Variants in MYO6 observed in about 807,000 individuals in gnomAD.
MYO6 encodes the protein unconventional myosin-VI.
In MYO6, 74 loss-of-function variants were observed where a neutral mutation model predicts 178.7. The ratio of observed to expected loss-of-function variants is 0.41; its 90% CI spans 0.34 to 0.50. The LOEUF is 0.50. Ranked by LOEUF, MYO6 falls within the 20% of genes least tolerant of loss-of-function variation. The pLI, the probability that MYO6 is intolerant of heterozygous loss-of-function variation, is 0.09. For missense variants in MYO6, 1,330 were observed against 1,547.4 expected, an observed-to-expected ratio of 0.86 and a Z score of 2.36; for synonymous variants, 477 against 504.6, an observed-to-expected ratio of 0.95 and a Z score of 0.73.
At chr6:75,849,011 GTATT>G (rs1562244336) in intron 11 of MYO6, among the ~76,000 whole-genome samples, 2 of 152,136 alleles carry the variant, frequency 1.3e-5, no homozygotes, top group Admixed American at 6.6e-5. Flanking sequence ...ATTGAAAAGA[GTATT>G]TAAATACATG....
intron 1 of MYO6, among the ~76,000 whole-genome samples, chr6:75,779,467 A>C (rs1766740917): frequency 6.6e-6 from 1 of 151,872 alleles, no homozygotes; most frequent in Admixed American, 6.6e-5. Context: ...GTGCCACTGC[A>C]CTCCAGCCTG....
At position 75,906,598 on chromosome 6, in the gene MYO6, C is replaced by T. The variant is rs184823958; in HGVS notation, c.3177-1007C>T. On this transcript the variant is annotated intron_variant, in intron 30 of 34. Coordinates refer to ENST00000369977, the MANE Select transcript of MYO6 (RefSeq NM_004999.4). ...GGCTGAGGTGGGAGAATTGCTTGAG[C>T]CCGGGTGGTGGAGGTTGCAGTGAGC... 3.0e-3 allele frequency among the ~76,000 whole-genome samples: 455 copies of T among 152,190 alleles called. 4 individuals carry two copies. Among genetic ancestry groups the T allele is most frequent in the African/African-American group, 0.011 (440 of 41,528 alleles).
intron 1 of MYO6, among the ~76,000 whole-genome samples, chr6:75,774,481 T>A (rs1354549105): frequency 6.6e-6 from 1 of 152,222 alleles, no homozygotes; most frequent in African/African-American, 2.4e-5. Context: ...TTCCATTGGA[T>A]CTTTTTTGCT....
chr6:75,861,005 T>C lies in MYO6; in HGVS notation c.1474-18T>C. On this transcript the variant is annotated intron_variant, in intron 14 of 34. Transcript: ENST00000369977. ...CTCAGTATTGCTGTATCTATGATTATGATTATTTCATTTTTAGGAACAAGA... is the reference window on the plus strand; with the variant it reads ...CTCAGTATTGCTGTATCTATGATTACGATTATTTCATTTTTAGGAACAAGA... 1.3e-6 allele frequency: 2 copies of C among 1,524,430 alleles called. No homozygotes were observed. The highest frequency in any genetic ancestry group is 1.8e-6 in the Non-Finnish European group (2 of 1,099,000). 94.4% of individuals were successfully genotyped at this position (1,524,430 alleles called of 1,614,324 possible). A position where few individuals can be genotyped will look rare whatever the true frequency, so the allele number is the denominator to read the frequency against.
intron 23 of MYO6, among the ~76,000 whole-genome samples, chr6:75,884,240 C>T (rs1400771838): frequency 6.6e-6 from 1 of 152,122 alleles, no homozygotes; most frequent in Non-Finnish European, 1.5e-5. Context: ...TTGTGAGTAA[C>T]TGAAGTTAAG....
At chr6:75,787,726 CTCTCTATATATATA>C (rs1255357625) in intron 1 of MYO6, among the ~76,000 whole-genome samples, 18 of 20,452 alleles carry the variant, frequency 8.8e-4, no homozygotes, top group East Asian at 3.7e-3. Flanking sequence ...CTCTCTCTCT[CTCTCTATATATATA>C]TATATATATA....
At chr6:75,805,902 C>T (rs1056379664) in intron 1 of MYO6, among the ~76,000 whole-genome samples, 3 of 151,898 alleles carry the variant, frequency 2.0e-5, no homozygotes, top group Non-Finnish European at 2.9e-5. Context: ...TAAAAATTTC[C>T]CTTATAGTGA....
At chr6:75,900,970 G>A (rs1478467234) in intron 30 of MYO6, among the ~76,000 whole-genome samples, 1 of 150,674 alleles carries the variant, frequency 6.6e-6, no homozygotes, top group Non-Finnish European at 1.5e-5. Context: ...AGTTTTCCCA[G>A]CACCATTTAT....
chr6:75,795,703 A>C (rs1378083009), intron 1 of MYO6, among the ~76,000 whole-genome samples: 1 of 152,242 alleles, frequency 6.6e-6, no homozygotes, highest in Non-Finnish European at 1.5e-5. Context: ...AACTTTGCCA[A>C]CTGTTTGGAT....
At chr6:75,767,769 G>A (rs1778567628) in intron 1 of MYO6, among the ~76,000 whole-genome samples, 1 of 151,774 alleles carries the variant, frequency 6.6e-6, no homozygotes, top group African/African-American at 2.4e-5. Flanking sequence ...TGCTTGCCTT[G>A]GCCTCCCAAA....
intron 1 of MYO6, among the ~76,000 whole-genome samples, chr6:75,805,942 G>C (rs1472762564): frequency 6.6e-6 from 1 of 152,040 alleles, no homozygotes; most frequent in African/African-American, 2.4e-5. Context: ...CTCTTCATAT[G>C]CAAACATGTT....
intron 1 of MYO6, among the ~76,000 whole-genome samples, chr6:75,810,835 G>T (rs1332005778): frequency 6.6e-6 from 1 of 152,188 alleles, no homozygotes. Context: ...CCTAATTAAA[G>T]TTGGTTGGTC....
In MYO6 at chr6:75,890,091, A is replaced by G; in HGVS notation, c.2693A>G (p.Glu898Gly). 6.2e-7 allele frequency: 1 copy of G among 1,613,976 alleles called. No individual in the cohort carries two copies. Among genetic ancestry groups the G allele is most frequent in the Non-Finnish European group, 8.5e-7 (1 of 1,179,970 alleles). ...ATGACGCAGGAACAAATCCAGAAAGAATATGATGCACTGGTTAAAAGCTCA... is the reference window on the plus strand; with the variant it reads ...ATGACGCAGGAACAAATCCAGAAAGGATATGATGCACTGGTTAAAAGCTCA... ...TMMTQEQIQK[E>G]YDALVKSSEE... The change falls in exon 26 of 35, where the codon GAA becomes GGA. Residue 898 changes from glutamate to glycine, a missense_variant. Transcript: ENST00000369977.
intron 1 of MYO6, among the ~76,000 whole-genome samples, chr6:75,768,338 T>G (rs1162116913): frequency 5.1e-5 from 2 of 39,168 alleles, no homozygotes; most frequent in African/African-American, 3.0e-4. Context: ...TTTTATTTTA[T>G]TTTATTTTAT....
At chr6:75,911,619 TTAAC>T (rs1780759246) in intron 32 of MYO6, 49 bp from the exon 33 acceptor site, 1 of 1,489,288 alleles carries the variant, frequency 6.7e-7, no homozygotes, top group African/African-American at 1.4e-5. Flanking sequence ...AAATGCTCAT[TTAAC>T]AGTTTTGGCA....
intron 1 of MYO6, among the ~76,000 whole-genome samples, chr6:75,769,178 G>A (rs1778702261): frequency 6.6e-6 from 1 of 152,176 alleles, no homozygotes; most frequent in Non-Finnish European, 1.5e-5. Flanking sequence ...ATTTCAGCAT[G>A]AGATTTGGAG....
intron 18 of MYO6, among the ~76,000 whole-genome samples, chr6:75,869,299 CT>C (rs1776949910): frequency 6.6e-6 from 1 of 151,930 alleles, no homozygotes; most frequent in South Asian, 2.1e-4. Flanking sequence ...ATAACTTAAG[CT>C]TCTCAGTATA....
intron 3 of MYO6, among the ~76,000 whole-genome samples, chr6:75,828,232 A>G (rs746195760): frequency 1.4e-4 from 22 of 152,166 alleles, no homozygotes; most frequent in Non-Finnish European, 2.9e-4. Flanking sequence ...AGAGCTATCT[A>G]TTGTAGTACT....
intron 13 of MYO6, among the ~76,000 whole-genome samples, chr6:75,857,616 G>A (rs548718572): frequency 3.7e-4 from 56 of 152,234 alleles, no homozygotes; most frequent in African/African-American, 1.3e-3. Context: ...GATAAATAGA[G>A]TCACTAAAAC....
Sources: allele counts gnomAD v4.1 joint callset (sites outside exome capture counted in the v4.1 genomes callset), GRCh38; gene constraint gnomAD v4.1.1; transcripts MANE v1.5; gene names NCBI Gene and HGNC (gene_info 2026-07-23, HGNC 2026-07-21).